TMEM117: variants seen among roughly 807,000 people sequenced by gnomAD.
The protein encoded by TMEM117 is transmembrane protein 117.
TMEM117 carries 27 observed loss-of-function variants against 52.4 expected under a neutral mutation model. That is an observed-to-expected ratio of 0.51 (90% CI 0.38 to 0.71). The LOEUF is 0.71. Among genes scored for constraint, TMEM117 ranks in the 30% least tolerant of loss-of-function variants. The pLI is 0.00. For synonymous variants in TMEM117, 215 were observed against 206.3 expected (o/e 1.04, Z -0.36); for missense variants, 556 against 630.5 (o/e 0.88, Z 1.26).
chr12:44,373,963 G>A (rs1951902351), intron 6 of TMEM117, among the ~76,000 whole-genome samples: 1 of 151,506 alleles, frequency 6.6e-6, no homozygotes, highest in African/African-American at 2.4e-5. Context: ...TGTATTTTTG[G>A]TAGAGATGGG....
Position 43,861,792 on chromosome 12 carries a change from TG to T in TMEM117, c.277+16865del, listed in dbSNP as rs1158597904. On this transcript the variant is annotated intron_variant, in intron 2 of 7. Coordinates refer to ENST00000266534, the MANE Select transcript of TMEM117 (RefSeq NM_032256.3). ...ATTCTATGCACTAGGGATACAGTGG[TG>T]AATAATAATAATAACAAAACACTCA... Among the ~76,000 whole-genome samples the T allele has an allele frequency of 8.6e-3, 1,308 of 152,170 alleles. 6 individuals carry two copies. The highest frequency in any genetic ancestry group is 0.014 in the Admixed American group (213 of 15,290).
chr12:43,831,450 T>C (rs969960405), upstream of TMEM117, among the ~76,000 whole-genome samples: 5 of 151,904 alleles, frequency 3.3e-5, no homozygotes, highest in African/African-American at 1.2e-4. Flanking sequence ...CTTGTCTTTT[T>C]CTTTTTTTTT....
chr12:44,366,333 T>A lies in TMEM117; in HGVS notation c.769-10262T>A, dbSNP rs146433516. ...GTGGACTTGTTTTCCAAAAAGACCC[T>A]GAGGATGATAGAATCTCTCTCCCAT... On this transcript the variant is annotated intron_variant, in intron 6 of 7. Transcript: ENST00000266534. Among the ~76,000 whole-genome samples the A allele has an allele frequency of 6.5e-3, 982 of 152,190 alleles. 5 individuals carry two copies. The highest frequency in any genetic ancestry group is 0.01 in the Non-Finnish European group (684 of 67,946).
intron 7 of TMEM117, among the ~76,000 whole-genome samples, chr12:44,386,101 T>C (rs1952084410): frequency 6.6e-6 from 1 of 152,160 alleles, no homozygotes; most frequent in Non-Finnish European, 1.5e-5. Context: ...ATTTCCTCAA[T>C]ATTTACAGCA....
chr12:44,214,755 T>G (rs1276151901), intron 5 of TMEM117, among the ~76,000 whole-genome samples: 6 of 152,194 alleles, frequency 3.9e-5, no homozygotes, highest in Non-Finnish European at 8.8e-5. Flanking sequence ...ACTTTAAAAT[T>G]TTTTTCCATT....
intron 4 of TMEM117, among the ~76,000 whole-genome samples, chr12:44,187,403 C>A (rs758993914): frequency 1.3e-5 from 2 of 152,010 alleles, no homozygotes; most frequent in Non-Finnish European, 2.9e-5. Context: ...CATATTATGC[C>A]TTTTAGAACT....
In TMEM117 at chr12:44,296,729, G is replaced by A. The variant is rs114488810; in HGVS notation, c.609-2851G>A. ...AGAAATGCTGTCAGACTACAGGTGA[G>A]AATGGCTAGAGCTGAATTACAGGGC... On this transcript the variant is annotated intron_variant, in intron 5 of 7. Coordinates refer to ENST00000266534, the MANE Select transcript of TMEM117 (RefSeq NM_032256.3). Among the ~76,000 whole-genome samples the A allele has an allele frequency of 5.8e-3, 884 of 152,342 alleles. 7 individuals are homozygous for A. Among genetic ancestry groups the A allele is most frequent in the African/African-American group, 0.02 (817 of 41,574 alleles).
chr12:44,307,501 C>T (rs17094408), intron 6 of TMEM117, among the ~76,000 whole-genome samples: 7,144 of 152,198 alleles, frequency 0.047, 346 homozygotes, highest in African/African-American at 0.12. Flanking sequence ...TATAGGGTCC[C>T]AAGTGGTGAC....
intron 2 of TMEM117, among the ~76,000 whole-genome samples, chr12:43,890,412 G>A (rs553260289): frequency 8.8e-4 from 133 of 151,976 alleles, no homozygotes; most frequent in Non-Finnish European, 1.5e-3. Context: ...AATGAGAATC[G>A]TTTAGATGTC....
chr12:43,992,998 G>A (rs749058956), intron 3 of TMEM117, among the ~76,000 whole-genome samples: 45 of 152,182 alleles, frequency 3.0e-4, no homozygotes, highest in Admixed American at 1.9e-3. Flanking sequence ...ACAATACACA[G>A]CAGTGTGGAA....
At chr12:44,092,667 A>G (rs1246999154) in intron 3 of TMEM117, among the ~76,000 whole-genome samples, 1 of 152,192 alleles carries the variant, frequency 6.6e-6, no homozygotes, top group Non-Finnish European at 1.5e-5. Flanking sequence ...GCCACACACT[A>G]TAGAAAACCA....
intron 5 of TMEM117, among the ~76,000 whole-genome samples, chr12:44,270,726 A>G (rs539174441): frequency 9.9e-5 from 15 of 152,192 alleles, no homozygotes; most frequent in African/African-American, 3.6e-4. Context: ...ACTTTTCTCC[A>G]TTCAGTATTA....
the TMEM117 span, among the ~76,000 whole-genome samples, chr12:43,815,867 C>T: frequency 3.9e-5 from 6 of 152,190 alleles, no homozygotes; most frequent in African/African-American, 1.2e-4. Context: ...GGCAGGAAGG[C>T]AGTGCAAGAG....
At chr12:44,235,462 A>G (rs893811228) in intron 5 of TMEM117, among the ~76,000 whole-genome samples, 3 of 151,174 alleles carry the variant, frequency 2.0e-5, no homozygotes, top group African/African-American at 7.3e-5. Flanking sequence ...CTAAATTTGT[A>G]TTTTAATTTT....
At chr12:44,216,005 C>CTTTCTT (rs1555136266) in intron 5 of TMEM117, among the ~76,000 whole-genome samples, 10 of 110,824 alleles carry the variant, frequency 9.0e-5, no homozygotes, top group African/African-American at 1.2e-4. Flanking sequence ...TTCTTTCTTT[C>CTTTCTT]TTTTTTTTTT....
At chr12:44,308,836 G>T (rs1950937036) in intron 6 of TMEM117, among the ~76,000 whole-genome samples, 1 of 151,994 alleles carries the variant, frequency 6.6e-6, no homozygotes. Flanking sequence ...AGTCAGGATG[G>T]TCTCGATCTC....
chr12:44,205,770 G>C (rs73100834), intron 4 of TMEM117, among the ~76,000 whole-genome samples: 18,965 of 152,216 alleles, frequency 0.12, 1,416 homozygotes, highest in Middle Eastern at 0.23. Context: ...ACAGATGCCA[G>C]CTGGGCTGCA....
At chr12:43,885,816 G>A (rs1014987784) in intron 2 of TMEM117, among the ~76,000 whole-genome samples, 5 of 152,130 alleles carry the variant, frequency 3.3e-5, no homozygotes, top group Admixed American at 6.5e-5. Context: ...TCAACCAGAG[G>A]TAACCAGTGA....
Position 43,886,887 on chromosome 12 carries a change from G to T in TMEM117, c.277+41959G>T, listed in dbSNP as rs75158834. 9.1e-3 allele frequency among the ~76,000 whole-genome samples: 1,379 copies of T among 152,066 alleles called. 38 individuals are homozygous for T. The highest frequency in any genetic ancestry group is 0.067 in the East Asian group (345 of 5,172). On this transcript the variant is annotated intron_variant, in intron 2 of 7. Transcript: ENST00000266534. ...TTTGGAGACAGAGTCTCTCTCTCTT[G>T]TCTAGACTGGTGTGCTGTGGCGTGA...
Sources: gnomAD v4.1 joint callset for allele counts (sites outside exome capture counted in the v4.1 genomes callset) on GRCh38, gnomAD v4.1.1 for gene constraint, MANE v1.5 for transcripts, NCBI Gene and HGNC (gene_info 2026-07-23, HGNC 2026-07-21) for gene names.